The following HEY2 variants were observed in gnomAD, a reference collection of about 807,000 sequenced individuals.
The protein encoded by HEY2 is hes related family bHLH transcription factor with YRPW motif 2.
HEY2 carries 10 observed loss-of-function variants against 18.1 expected under a neutral mutation model. That is an observed-to-expected ratio of 0.55 (90% CI 0.34 to 0.94). The LOEUF is 0.94. HEY2 is among the 40% of genes least tolerant of loss of function. The pLI, the probability that HEY2 is intolerant of heterozygous loss-of-function variation, is 0.02. For missense variants in HEY2, 455 were observed against 455.9 expected (o/e 1.00, Z 0.02); for synonymous variants, 210 against 182.7 (o/e 1.15, Z -1.21).
rs1773740735 is a variant in HEY2 at position 125,759,418 on chromosome 6, T to C, written c.630T>C (p.Cys210=). 1 of 1,611,436 alleles carries C rather than the reference T, an allele frequency of 6.2e-7. No homozygotes were observed. Among genetic ancestry groups the C allele is most frequent in the South Asian group, 1.1e-5 (1 of 91,048 alleles). ...TCCATGCCTCAGAGTCAACCCCTTG[T>C]CGCCTCTCCACAACTTCAGAAGTGC... ...NGLHASESTP[C]RLSTTSEVPP... is the part of the protein sequence containing the mutation. The change falls in exon 5 of 5, where the codon TGT becomes TGC. Residue 210 remains cysteine, a synonymous_variant. Transcript: ENST00000368364.
rs779178414 is a variant in HEY2 at position 125,760,144 on chromosome 6, C to T, written c.*342C>T. ...AAGTAAAATGCCCTGACTGAATTCT[C>T]TTGAGACTAGATGGGACATACATAT... On this transcript the variant is annotated 3_prime_UTR_variant, in exon 5 of 5. Transcript: ENST00000368364. The T allele has an allele frequency of 1.0e-5, 3 of 296,536 alleles. No individual in the cohort carries two copies. Among genetic ancestry groups the T allele is most frequent in the Non-Finnish European group, 1.9e-5 (3 of 158,150 alleles). The allele number at this position is 296,536 out of a possible 1,614,324, so 18.4% of individuals were successfully genotyped here.
At chr6:125,754,843 C>T (rs949698517) in intron 4 of HEY2, among the ~76,000 whole-genome samples, 1 of 152,092 alleles carries the variant, frequency 6.6e-6, no homozygotes, top group Admixed American at 6.6e-5. Context: ...ACTTAAGAAG[C>T]GCATGCTGGA....
Position 125,760,705 on chromosome 6 carries a change from T to C in HEY2, c.*903T>C, listed in dbSNP as rs529712818. ...GTTTGTAGGAGTTTGGTTTAATTTA[T>C]TCAGTTTCATTAGGACTATTTTTAT... On this transcript the variant is annotated 3_prime_UTR_variant, in exon 5 of 5. Coordinates refer to ENST00000368364, the MANE Select transcript of HEY2 (RefSeq NM_012259.3). The C allele has an allele frequency of 6.6e-6, 1 of 152,486 alleles. No individual in the cohort carries two copies. Among genetic ancestry groups the C allele is most frequent in the South Asian group, 2.1e-4 (1 of 4,830 alleles). The allele number at this position is 152,486 out of a possible 1,614,324, so 9.4% of individuals were successfully genotyped here.
chr6:125,751,947 T>C (rs1342160239), intron 2 of HEY2, 60 bp from the exon 3 acceptor site: 12 of 1,586,786 alleles, frequency 7.6e-6, no homozygotes, highest in Non-Finnish European at 1.0e-5. Flanking sequence ...CATTTTTTCA[T>C]TTGAGTAATT....
chr6:125,750,685 A>G (rs1773526944), intron 1 of HEY2, among the ~76,000 whole-genome samples: 1 of 152,254 alleles, frequency 6.6e-6, no homozygotes, highest in Admixed American at 6.5e-5. Flanking sequence ...TGCAAGAGCA[A>G]AGATATTTAC....
chr6:125,750,268 A>G (rs1283516000), intron 1 of HEY2: 2 of 985,280 alleles, frequency 2.0e-6, no homozygotes, highest in Non-Finnish European at 2.4e-6. Flanking sequence ...AGAGATACCA[A>G]AATCACAACT....
In HEY2 at chr6:125,749,647, A is replaced by AGCAGACCGCGCC. The variant is rs1583186429; in HGVS notation, c.-127_-116dup. The AGCAGACCGCGCC allele has an allele frequency of 2.8e-5, 15 of 534,962 alleles. No homozygotes were observed. In the East Asian group the frequency reaches 5.3e-4, roughly 19 times the overall value. The allele number at this position is 534,962 out of a possible 1,614,324, so 33.1% of individuals were successfully genotyped here. On this transcript the variant is annotated 5_prime_UTR_variant, in exon 1 of 5. Transcript: ENST00000368364. Reference sequence around the variant, plus strand: ...TGCGGCGTGGGAAAGAGCCGCTAGGAGCAGACCGCGCCGCCGCCGGAGCCG... The same window carrying AGCAGACCGCGCC: ...TGCGGCGTGGGAAAGAGCCGCTAGGAGCAGACCGCGCCGCAGACCGCGCCGCCGCCGGAGCCG...
rs529616190 is a variant in HEY2, at chr6:125,760,241, A to G, written c.*439A>G. The G allele has an allele frequency of 6.5e-5, 11 of 168,636 alleles. No homozygotes were observed. Among genetic ancestry groups the G allele is most frequent in the Non-Finnish European group, 1.0e-4 (8 of 77,512 alleles). 10.4% of individuals were successfully genotyped at this position (168,636 alleles called of 1,614,324 possible). On this transcript the variant is annotated 3_prime_UTR_variant, in exon 5 of 5. Transcript: ENST00000368364. ...GGAAGTTTTCTTCTGGATATATAAC[A>G]TTGCACAAGGGAAGACGAGTGTGGA...
chr6:125,755,948 G>A (rs939002750), intron 4 of HEY2, among the ~76,000 whole-genome samples: 1 of 152,180 alleles, frequency 6.6e-6, no homozygotes, highest in African/African-American at 2.4e-5. Context: ...GCTACCTCAG[G>A]ATGTTAGGAT....
At chr6:125,750,187 C>G in intron 1 of HEY2, 1 of 947,360 alleles carries the variant, frequency 1.1e-6, no homozygotes, top group Non-Finnish European at 1.3e-6. Flanking sequence ...GTCCCAGCCA[C>G]TGAAACCGTA....
In HEY2 at chr6:125,751,836, C is replaced by T. The variant is rs1773548978; in HGVS notation, c.119C>T (p.Pro40Leu). The T allele has an allele frequency of 3.1e-6, 5 of 1,613,272 alleles. No individual in the cohort carries two copies. The highest frequency in any genetic ancestry group is 1.7e-6 in the Non-Finnish European group (2 of 1,179,428). ...STSSVIRLNS[P>L]TTTSQIMARK... is the part of the protein sequence containing the mutation. ...AGCTCTGTGATTAGATTGAATTCTC[C>T]AACAACAACATCTCAGATTATGGCA... Residue 40 changes from proline (P) to leucine (L), a missense_variant, in exon 2 of 5, where the codon CCA (proline) becomes CTA (leucine). By Grantham distance (98) the Pro-to-Leu change is moderately conservative. Coordinates refer to ENST00000368364, the MANE Select transcript of HEY2 (RefSeq NM_012259.3).
In HEY2 at chr6:125,759,118, C is replaced by T; in HGVS notation, c.330C>T (p.Gly110=). The change falls in exon 5 of 5, where the codon GGC becomes GGT. Residue 110 remains glycine, a splice_region_variant and synonymous_variant. Coordinates refer to ENST00000368364, the MANE Select transcript of HEY2 (RefSeq NM_012259.3). ...LKMLQATGGK[G]YFDAHALAMD... is the part of the protein sequence containing the mutation. ...TACTTTGCTCAAACCCACTTTTAGG[C>T]TACTTTGACGCACACGCTCTTGCCA... 6.3e-7 allele frequency: 1 copy of T among 1,587,548 alleles called. No individual in the cohort carries two copies. The highest frequency in any genetic ancestry group is 8.6e-7 in the Non-Finnish European group (1 of 1,165,418).
In HEY2 at chr6:125,760,005, C is replaced by T. The variant is rs1773763900; in HGVS notation, c.*203C>T. 5.1e-6 allele frequency: 3 copies of T among 588,110 alleles called. No individual in the cohort carries two copies. Among genetic ancestry groups the T allele is most frequent in the South Asian group, 2.1e-5 (1 of 46,810 alleles). The allele number at this position is 588,110 out of a possible 1,614,324, so 36.4% of individuals were successfully genotyped here. A position where few individuals can be genotyped will look rare whatever the true frequency, so the allele number is the denominator to read the frequency against. Reference sequence around the variant, plus strand: ...CTTTTTTGTTTGGTTCAAGGCAGCTCGGTAACTGACATCAGCAACTTTTGA... The same window carrying T: ...CTTTTTTGTTTGGTTCAAGGCAGCTTGGTAACTGACATCAGCAACTTTTGA... On this transcript the variant is annotated 3_prime_UTR_variant, in exon 5 of 5. Coordinates refer to ENST00000368364, the MANE Select transcript of HEY2 (RefSeq NM_012259.3).
At position 125,761,243 on chromosome 6, in the gene HEY2, CTAAT is replaced by C. The variant is rs1262499254; in HGVS notation, c.*1445_*1448del. 1 of 152,626 alleles carries C rather than the reference CTAAT, an allele frequency of 6.6e-6. No individual in the cohort carries two copies. The highest frequency in any genetic ancestry group is 1.5e-5 in the Non-Finnish European group (1 of 68,038). The allele number at this position is 152,626 out of a possible 1,614,324, so 9.5% of individuals were successfully genotyped here. On this transcript the variant is annotated 3_prime_UTR_variant, in exon 5 of 5. Transcript: ENST00000368364. ...TCTATGCAAGAGTCTTTACATACCACTAATTAAATGAAGTCCTTTTTGACTATTT... is the reference window on the plus strand; with the variant it reads ...TCTATGCAAGAGTCTTTACATACCACTAAATGAAGTCCTTTTTGACTATTT...
intron 2 of HEY2, 57 bp from the exon 3 acceptor site, chr6:125,751,950 G>A: frequency 6.3e-7 from 1 of 1,586,368 alleles, no homozygotes; most frequent in Non-Finnish European, 8.6e-7. Context: ...TTTTTCATTT[G>A]AGTAATTTTA....
chr6:125,750,386 A>C, intron 1 of HEY2: 1 of 985,386 alleles, frequency 1.0e-6, no homozygotes, highest in Non-Finnish European at 1.2e-6. Flanking sequence ...TGACAGATGT[A>C]AGCATCGGAA....
At chr6:125,756,747 G>A (rs990803903) in intron 4 of HEY2, among the ~76,000 whole-genome samples, 18 of 152,136 alleles carry the variant, frequency 1.2e-4, no homozygotes, top group Admixed American at 2.0e-4. Flanking sequence ...TACCCCCTGC[G>A]AGCTGGTCCA....
At chr6:125,757,780 C>G (rs1159750679) in intron 4 of HEY2, among the ~76,000 whole-genome samples, 1 of 152,166 alleles carries the variant, frequency 6.6e-6, no homozygotes, top group African/African-American at 2.4e-5. Context: ...GAGATCTTGT[C>G]TGTACTAAAA....
At chr6:125,751,030 T>G (rs1399984165) in intron 1 of HEY2, among the ~76,000 whole-genome samples, 1 of 152,256 alleles carries the variant, frequency 6.6e-6, no homozygotes, top group African/African-American at 2.4e-5. Context: ...AATACTTTGA[T>G]TGAACCTTCA....
Sources: allele counts gnomAD v4.1 joint callset (sites outside exome capture counted in the v4.1 genomes callset), GRCh38; gene constraint gnomAD v4.1.1; transcripts MANE v1.5; gene names NCBI Gene and HGNC (gene_info 2026-07-23, HGNC 2026-07-21).